The following AUTS2 variants were observed in gnomAD, a reference collection of about 807,000 sequenced individuals.
AUTS2 encodes the protein activator of transcription and developmental regulator AUTS2, also known as autism susceptibility gene 2 protein.
In AUTS2, 17 loss-of-function variants were observed where a neutral mutation model predicts 112.4. That is an observed-to-expected ratio of 0.15 (90% CI 0.10 to 0.23). The LOEUF is 0.23. Among genes scored for constraint, AUTS2 ranks in the 10% least tolerant of loss-of-function variants. The pLI, the probability that AUTS2 is intolerant of heterozygous loss-of-function variation, is 1.00. For missense variants in AUTS2, 1,510 were observed against 1,701.6 expected, an observed-to-expected ratio of 0.89 and a Z score of 1.98; for synonymous variants, 751 against 702.7, an observed-to-expected ratio of 1.07 and a Z score of -1.09.
At chr7:70,739,925 A>C (rs754522417) in intron 6 of AUTS2, among the ~76,000 whole-genome samples, 2 of 152,072 alleles carry the variant, frequency 1.3e-5, no homozygotes, top group Non-Finnish European at 2.9e-5. Flanking sequence ...ACAGCCCTTC[A>C]AATGTTGGAC....
intron 2 of AUTS2, among the ~76,000 whole-genome samples, chr7:69,927,410 T>C (rs1336585444): frequency 1.3e-5 from 2 of 152,050 alleles, no homozygotes; most frequent in Non-Finnish European, 2.9e-5. Flanking sequence ...GCTTAAACAG[T>C]GAATTATCTT....
chr7:70,641,342 G>T (rs1805818127), intron 5 of AUTS2, among the ~76,000 whole-genome samples: 1 of 152,086 alleles, frequency 6.6e-6, no homozygotes, highest in South Asian at 2.1e-4. Context: ...AAGGTCAGGA[G>T]ATCAAGACCA....
chr7:69,882,082 G>T (rs746452313), intron 1 of AUTS2, among the ~76,000 whole-genome samples: 21 of 149,580 alleles, frequency 1.4e-4, no homozygotes, highest in South Asian at 4.3e-4. Flanking sequence ...ACTGGGAGAC[G>T]GAAGTTGTAG....
chr7:70,097,191 G>T (rs1804249789), intron 2 of AUTS2, among the ~76,000 whole-genome samples: 1 of 152,192 alleles, frequency 6.6e-6, no homozygotes, highest in South Asian at 2.1e-4. Flanking sequence ...TTACTAATCT[G>T]CAAGTTGTAT....
chr7:70,094,669 A>G (rs1804096708), intron 2 of AUTS2, among the ~76,000 whole-genome samples: 1 of 152,198 alleles, frequency 6.6e-6, no homozygotes, highest in African/African-American at 2.4e-5. Context: ...GAAATGGCTC[A>G]TTGGTAGGGT....
chr7:70,517,833 C>T (rs1167922943), intron 5 of AUTS2, among the ~76,000 whole-genome samples: 1 of 151,514 alleles, frequency 6.6e-6, no homozygotes, highest in Non-Finnish European at 1.5e-5. Flanking sequence ...TTTGTATATA[C>T]CCACACACAC....
chr7:70,057,965 A>G lies in AUTS2; in HGVS notation c.523-60167A>G, dbSNP rs73440500. 1.8e-3 allele frequency among the ~76,000 whole-genome samples: 278 copies of G among 152,328 alleles called. 2 individuals are homozygous for G. The highest frequency in any genetic ancestry group is 6.4e-3 in the African/African-American group (266 of 41,570). ...TAAGACAGTGATACGACTATTATGT[A>G]TATGGTAAGGGGGTGATATATCTAT... On this transcript the variant is annotated intron_variant, in intron 2 of 18. Coordinates refer to ENST00000342771, the MANE Select transcript of AUTS2 (RefSeq NM_015570.4).
chr7:70,572,485 G>A (rs1243948079), intron 5 of AUTS2, among the ~76,000 whole-genome samples: 1 of 144,526 alleles, frequency 6.9e-6, no homozygotes. Context: ...GGCAGGAAAA[G>A]GGGGGGCGAG....
At chr7:69,723,169 T>C (rs545311425) in intron 1 of AUTS2, among the ~76,000 whole-genome samples, 1 of 152,200 alleles carries the variant, frequency 6.6e-6, no homozygotes, top group South Asian at 2.1e-4. Context: ...GCAGCCAGTG[T>C]AGGACTCTCC....
intron 1 of AUTS2, among the ~76,000 whole-genome samples, chr7:69,888,175 G>A (rs1165011221): frequency 6.6e-6 from 1 of 151,802 alleles, no homozygotes; most frequent in Non-Finnish European, 1.5e-5. Context: ...ACAAGAAAAA[G>A]GAATACTAGA....
intron 1 of AUTS2, among the ~76,000 whole-genome samples, chr7:69,745,799 C>T (rs1346887313): frequency 6.6e-6 from 1 of 152,042 alleles, no homozygotes; most frequent in Non-Finnish European, 1.5e-5. Flanking sequence ...TTTGAGTATT[C>T]TGTGTGGGTT....
intron 5 of AUTS2, among the ~76,000 whole-genome samples, chr7:70,530,005 T>G (rs1044258920): frequency 2.6e-5 from 4 of 152,226 alleles, no homozygotes; most frequent in Non-Finnish European, 2.9e-5. Context: ...GGTCCTGGTA[T>G]TGATCTTTTA....
At chr7:70,381,179 A>G (rs1793352039) in intron 4 of AUTS2, among the ~76,000 whole-genome samples, 1 of 152,228 alleles carries the variant, frequency 6.6e-6, no homozygotes, top group Non-Finnish European at 1.5e-5. Context: ...TTTGAAAATT[A>G]CTGATTATAT....
intron 4 of AUTS2, among the ~76,000 whole-genome samples, chr7:70,326,719 A>G (rs1049867028): frequency 1.3e-5 from 2 of 152,128 alleles, no homozygotes; most frequent in Admixed American, 1.3e-4. Flanking sequence ...TTCTTTGAGT[A>G]AGGTTGGACA....
intron 4 of AUTS2, among the ~76,000 whole-genome samples, chr7:70,411,560 G>A (rs1350169715): frequency 6.6e-6 from 1 of 151,902 alleles, no homozygotes; most frequent in Non-Finnish European, 1.5e-5. Flanking sequence ...AGCTTGCCTG[G>A]TCACATTTAA....
intron 1 of AUTS2, among the ~76,000 whole-genome samples, chr7:69,850,389 ACT>A (rs1792418408): frequency 8.0e-6 from 1 of 125,048 alleles, no homozygotes; most frequent in Non-Finnish European, 1.6e-5. Flanking sequence ...ACAGAGCGAA[ACT>A]CTGTCTCAAA....
At chr7:70,183,778 G>A (rs568207912) in intron 4 of AUTS2, among the ~76,000 whole-genome samples, 3 of 151,902 alleles carry the variant, frequency 2.0e-5, no homozygotes, top group Non-Finnish European at 4.4e-5. Context: ...TAGAAACAGA[G>A]GTTGTCTTAG....
chr7:70,353,221 A>G (rs1791846276), intron 4 of AUTS2, among the ~76,000 whole-genome samples: 1 of 152,198 alleles, frequency 6.6e-6, no homozygotes, highest in Admixed American at 6.5e-5. Context: ...TTGTATCTTA[A>G]GCTTAGCTTG....
At chr7:70,562,056 G>A (rs900770307) in intron 5 of AUTS2, among the ~76,000 whole-genome samples, 6 of 152,046 alleles carry the variant, frequency 3.9e-5, no homozygotes, top group East Asian at 1.9e-4. Flanking sequence ...CTCTCACCAC[G>A]TGCCCTGTTG....
Sources: allele counts gnomAD v4.1 joint callset (sites outside exome capture counted in the v4.1 genomes callset), GRCh38; gene constraint gnomAD v4.1.1; transcripts MANE v1.5; gene names NCBI Gene and HGNC (gene_info 2026-07-23, HGNC 2026-07-21).